P2RY8: variants seen among roughly 807,000 people sequenced by gnomAD.
The protein encoded by P2RY8 is P2Y receptor family member 8, also known as S-geranylgeranyl-glutathione receptor P2RY8.
Under a neutral mutation model 10.0 loss-of-function variants are expected in P2RY8, and 6 were observed. The observed-to-expected ratio is 0.60, with a 90% CI of 0.33 to 1.19. The LOEUF (loss-of-function observed/expected upper bound fraction) is 1.19, where lower values mean the gene tolerates loss of function less well. Ranked by LOEUF, P2RY8 falls within the 50% of genes most tolerant of loss-of-function variation. P2RY8 has a pLI of 0.04. For missense variants in P2RY8, 456 were observed against 542.0 expected, an observed-to-expected ratio of 0.84 and a Z score of 1.58; for synonymous variants, 276 against 252.5, an observed-to-expected ratio of 1.09 and a Z score of -0.88.
chrX:1,526,324 A>G (rs1179267927), intron 1 of P2RY8, among the ~76,000 whole-genome samples: 1 of 151,130 alleles, frequency 6.6e-6, no homozygotes, highest in Non-Finnish European at 1.5e-5. Flanking sequence ...TCATCCACCC[A>G]TCCATTCATT....
Position 1,462,942 on chromosome X carries a change from C to G in P2RY8, c.*2537G>C. On this transcript the variant is annotated 3_prime_UTR_variant, in exon 2 of 2. Coordinates refer to ENST00000381297, the MANE Select transcript of P2RY8 (RefSeq NM_178129.5). Reference sequence around the variant, plus strand: ...TGTAAGAGGGGGTGTCGGCTGCTCTCCATAGCCAAGTGGCTGCAAAAATCA... The same window carrying G: ...TGTAAGAGGGGGTGTCGGCTGCTCTGCATAGCCAAGTGGCTGCAAAAATCA... 8.6e-6 allele frequency: 2 copies of G among 232,250 alleles called. No individual in the cohort carries two copies. Among genetic ancestry groups the G allele is most frequent in the East Asian group, 6.1e-5 (1 of 16,498 alleles). 14.4% of individuals were successfully genotyped at this position (232,250 alleles called of 1,614,324 possible).
At chrX:1,532,405 T>G (rs1297365571) in intron 1 of P2RY8, among the ~76,000 whole-genome samples, 2 of 135,436 alleles carry the variant, frequency 1.5e-5, no homozygotes, top group Non-Finnish European at 3.4e-5. Context: ...TATATGTATA[T>G]ATGTATATGA....
At chrX:1,511,750 A>T (rs2092299104) in intron 1 of P2RY8, among the ~76,000 whole-genome samples, 1 of 152,314 alleles carries the variant, frequency 6.6e-6, no homozygotes, top group South Asian at 2.1e-4. Flanking sequence ...CTTCAACGGC[A>T]TGTCTACGGA....
intron 1 of P2RY8, among the ~76,000 whole-genome samples, chrX:1,471,309 ATTTTTTTT>A (rs1159260456): frequency 7.0e-5 from 7 of 100,054 alleles, no homozygotes; most frequent in South Asian, 3.4e-4. Flanking sequence ...CGCCCAGCCC[ATTTTTTTT>A]TTTTTTTTTT....
chrX:1,468,295 C>A (rs2091720854), intron 1 of P2RY8, among the ~76,000 whole-genome samples: 1 of 152,220 alleles, frequency 6.6e-6, no homozygotes, highest in African/African-American at 2.4e-5. Flanking sequence ...CATTTAAACA[C>A]CACGTGCTGT....
chrX:1,527,706 TATCCATCC>T (rs373084254), intron 1 of P2RY8, among the ~76,000 whole-genome samples: 3,781 of 151,420 alleles, frequency 0.025, 155 homozygotes, highest in African/African-American at 0.087. Context: ...TTTACTCATC[TATCCATCC>T]ATCCATCCAT....
At chrX:1,525,938 A>G (rs775074855) in intron 1 of P2RY8, among the ~76,000 whole-genome samples, 16 of 152,078 alleles carry the variant, frequency 1.1e-4, no homozygotes, top group African/African-American at 3.6e-4. Flanking sequence ...CCATTCAGTC[A>G]TCCATCCACT....
At chrX:1,470,051 T>C (rs1473237441) in intron 1 of P2RY8, among the ~76,000 whole-genome samples, 2 of 152,054 alleles carry the variant, frequency 1.3e-5, no homozygotes, top group Non-Finnish European at 2.9e-5. Flanking sequence ...AGAACCATTT[T>C]TATCCCTAAA....
At chrX:1,468,744 CCT>C (rs1180413842) in intron 1 of P2RY8, among the ~76,000 whole-genome samples, 11 of 28,500 alleles carry the variant, frequency 3.9e-4, no homozygotes, top group South Asian at 1.5e-3. Context: ...TCTCCTCTCT[CCT>C]CTCTCCCCTC....
In P2RY8 at chrX:1,484,748, AGAAGAAG is replaced by A. The variant is rs1426090832; in HGVS notation, c.-24-18173_-24-18167del. On this transcript the variant is annotated intron_variant, in intron 1 of 1. Coordinates refer to ENST00000381297, the MANE Select transcript of P2RY8 (RefSeq NM_178129.5). Reference sequence around the variant, plus strand: ...GTAAAAAAAAAAAAAAAAAAAAAAAAGAAGAAGAAGAAGAAGAAGCGGCAGCTGGGGA... The same window carrying A: ...GTAAAAAAAAAAAAAAAAAAAAAAAAAAGAAGAAGAAGCGGCAGCTGGGGA... Among the ~76,000 whole-genome samples, 28 of 91,370 alleles carry A rather than the reference AGAAGAAG, an allele frequency of 3.1e-4. 1 individual carries two copies. The highest frequency in any genetic ancestry group is 1.6e-3 in the East Asian group (4 of 2,524). 59.9% of individuals were successfully genotyped at this position (91,370 alleles called of 152,430 possible).
In P2RY8 at chrX:1,465,437, T is replaced by C. The variant is rs765881655; in HGVS notation, c.*42A>G. The C allele has an allele frequency of 6.4e-7, 1 of 1,555,874 alleles. No homozygotes were observed. ...TGGCCTCTCCATGCGCCCCTGGATCTCCAAGCTGCGCCCCCGGCTCTCCAA... is the reference window on the plus strand; with the variant it reads ...TGGCCTCTCCATGCGCCCCTGGATCCCCAAGCTGCGCCCCCGGCTCTCCAA... On this transcript the variant is annotated 3_prime_UTR_variant, in exon 2 of 2. Transcript: ENST00000381297.
At chrX:1,509,383 TCTA>T (rs2092273938) in intron 1 of P2RY8, among the ~76,000 whole-genome samples, 5 of 99,494 alleles carry the variant, frequency 5.0e-5, no homozygotes, top group African/African-American at 1.6e-4. Context: ...ATTCTATCTA[TCTA>T]TCTATCTATC....
At chrX:1,477,472 C>G (rs1425983704) in intron 1 of P2RY8, among the ~76,000 whole-genome samples, 7 of 152,122 alleles carry the variant, frequency 4.6e-5, no homozygotes, top group African/African-American at 1.7e-4. Context: ...ATATCAATTA[C>G]CTACCAATCA....
chrX:1,478,085 C>T (rs2091895330), intron 1 of P2RY8, among the ~76,000 whole-genome samples: 1 of 152,052 alleles, frequency 6.6e-6, no homozygotes, highest in South Asian at 2.1e-4. Context: ...GGCCCCTGAG[C>T]TGGGGTGGGG....
intron 1 of P2RY8, among the ~76,000 whole-genome samples, chrX:1,536,442 A>G (rs1273648964): frequency 2.0e-5 from 3 of 151,978 alleles, no homozygotes; most frequent in Non-Finnish European, 4.4e-5. Context: ...TTGTATTTTT[A>G]GTAGAGACGG....
chrX:1,507,615 C>T (rs757980845), intron 1 of P2RY8, among the ~76,000 whole-genome samples: 25 of 152,204 alleles, frequency 1.6e-4, no homozygotes, highest in African/African-American at 5.1e-4. Context: ...TGACGGCACC[C>T]GGTCACAGCA....
chrX:1,470,899 C>T (rs1275151295), intron 1 of P2RY8, among the ~76,000 whole-genome samples: 5 of 141,202 alleles, frequency 3.5e-5, no homozygotes, highest in Non-Finnish European at 6.0e-5. Context: ...TGTAGTGGTG[C>T]GATCTTGGCT....
At chrX:1,489,291 G>A (rs1393952485) in intron 1 of P2RY8, among the ~76,000 whole-genome samples, 1 of 151,344 alleles carries the variant, frequency 6.6e-6, no homozygotes, top group Non-Finnish European at 1.5e-5. Flanking sequence ...CCCTACAAAT[G>A]TAGAGGGAAT....
At position 1,465,202 on chromosome X, in the gene P2RY8, C is replaced by G; in HGVS notation, c.*277G>C. 1.9e-6 allele frequency: 1 copy of G among 515,976 alleles called. No homozygotes were observed. Among genetic ancestry groups the G allele is most frequent in the Non-Finnish European group, 3.4e-6 (1 of 295,810 alleles). 32.0% of individuals were successfully genotyped at this position (515,976 alleles called of 1,614,324 possible). On this transcript the variant is annotated 3_prime_UTR_variant, in exon 2 of 2. Coordinates refer to ENST00000381297, the MANE Select transcript of P2RY8 (RefSeq NM_178129.5). The stretch of plus-strand genomic sequence containing the variant: ...TGGTGACACAAGCTGTCCCCTGACA[C>G]AGAGAGGCAGAGGCACCCTCTGCAG...
Sources: allele counts gnomAD v4.1 joint callset (sites outside exome capture counted in the v4.1 genomes callset), GRCh38; gene constraint gnomAD v4.1.1; transcripts MANE v1.5; gene names NCBI Gene and HGNC (gene_info 2026-07-23, HGNC 2026-07-21).